The following ICA1 variants were observed in gnomAD, a reference collection of about 807,000 sequenced individuals.
ICA1 encodes islet cell autoantigen 1, also known as 69 kDa islet cell autoantigen.
Under a neutral mutation model 71.0 loss-of-function variants are expected in ICA1, and 40 were observed. The ratio of observed to expected loss-of-function variants is 0.56; its 90% CI spans 0.44 to 0.73. The LOEUF is 0.73. Among genes scored for constraint, ICA1 ranks in the 30% least tolerant of loss-of-function variants. ICA1 has a pLI of 0.00. For missense variants in ICA1, 578 were observed against 576.5 expected (o/e 1.00, Z -0.03); for synonymous variants, 207 against 209.5 (o/e 0.99, Z 0.10).
At chr7:8,211,940 T>A (rs1431807459) in intron 6 of ICA1, among the ~76,000 whole-genome samples, 1 of 152,170 alleles carries the variant, frequency 6.6e-6, no homozygotes, top group Non-Finnish European at 1.5e-5. Flanking sequence ...AATAAAACCT[T>A]TATTTACAAA....
At chr7:8,214,022 C>T (rs772786890) in intron 6 of ICA1, among the ~76,000 whole-genome samples, 7 of 152,144 alleles carry the variant, frequency 4.6e-5, no homozygotes, top group Admixed American at 6.5e-5. Flanking sequence ...TTTCATTAGC[C>T]GTTTAATAAA....
intron 6 of ICA1, among the ~76,000 whole-genome samples, chr7:8,216,023 A>G (rs752721183): frequency 6.6e-6 from 1 of 152,244 alleles, no homozygotes; most frequent in South Asian, 2.1e-4. Flanking sequence ...AAACTCCACA[A>G]TTTAAATTCA....
Position 8,123,024 on chromosome 7 carries a change from TCTC to T in ICA1, c.1330+4846_1330+4848del, listed in dbSNP as rs904616058. On this transcript the variant is annotated intron_variant, in intron 13 of 13. Coordinates refer to ENST00000402384, the MANE Select transcript of ICA1 (RefSeq NM_001136020.3). This position sits in a 1 kb window ranked among gnomAD's most constrained non-coding sequence, Gnocchi z 4.1. ...AGCTCAGGTGGCCTCTCTGGCTGGCTCTCCTCCTACTCACACAAAGTGGCCTTG... is the reference window on the plus strand; with the variant it reads ...AGCTCAGGTGGCCTCTCTGGCTGGCTCTCCTACTCACACAAAGTGGCCTTG... Among the ~76,000 whole-genome samples the T allele has an allele frequency of 2.6e-5, 4 of 152,204 alleles. No individual in the cohort carries two copies. Among genetic ancestry groups the T allele is most frequent in the Non-Finnish European group, 5.9e-5 (4 of 68,040 alleles).
intron 6 of ICA1, among the ~76,000 whole-genome samples, chr7:8,164,303 CAAAAAAA>C (rs71014767): frequency 9.6e-5 from 8 of 83,634 alleles, no homozygotes; most frequent in Non-Finnish European, 1.5e-4. Context: ...GACTCCGTCT[CAAAAAAA>C]AAAAAAAAAA....
intron 1 of ICA1, among the ~76,000 whole-genome samples, chr7:8,246,095 A>C (rs1215891376): frequency 6.6e-6 from 1 of 152,236 alleles, no homozygotes; most frequent in East Asian, 1.9e-4. Context: ...TCACATCTCC[A>C]GCTTTTTAAT....
intron 6 of ICA1, among the ~76,000 whole-genome samples, chr7:8,183,518 A>C (rs1584990152): frequency 6.6e-6 from 1 of 151,920 alleles, no homozygotes; most frequent in South Asian, 2.1e-4. Context: ...AATTATTAAA[A>C]CCCCTGGTAA....
At chr7:8,175,960 G>A (rs1010911459) in intron 6 of ICA1, among the ~76,000 whole-genome samples, 2 of 152,146 alleles carry the variant, frequency 1.3e-5, no homozygotes, top group Admixed American at 6.5e-5. Context: ...TTCCATGGAC[G>A]GCAAAGGGGA....
At chr7:8,252,273 A>C (rs1808448262) in intron 1 of ICA1, among the ~76,000 whole-genome samples, 1 of 152,224 alleles carries the variant, frequency 6.6e-6, no homozygotes. Flanking sequence ...CACCCTAATC[A>C]GATAAAAGTC....
chr7:8,201,107 T>C (rs1361020790), intron 6 of ICA1, among the ~76,000 whole-genome samples: 1 of 152,222 alleles, frequency 6.6e-6, no homozygotes, highest in Non-Finnish European at 1.5e-5. Flanking sequence ...TCAACGTGGT[T>C]TTCTATTTGC....
chr7:8,179,269 T>C (rs763274946), intron 6 of ICA1, among the ~76,000 whole-genome samples: 5 of 152,206 alleles, frequency 3.3e-5, no homozygotes, highest in Admixed American at 6.6e-5. Flanking sequence ...GGTGTCTCTG[T>C]CCCATAACCT....
chr7:8,157,264 G>A, intron 7 of ICA1, 50 bp from the exon 8 acceptor site: 1 of 1,501,546 alleles, frequency 6.7e-7, no homozygotes, highest in South Asian at 1.3e-5. Context: ...CCCAGTTCTA[G>A]TCCTGGTCCC....
In ICA1 at chr7:8,232,616, C is replaced by T; in HGVS notation, c.157G>A (p.Asp53Asn). 1.2e-6 allele frequency: 2 copies of T among 1,612,604 alleles called. No individual in the cohort carries two copies. The highest frequency in any genetic ancestry group is 1.7e-6 in the Non-Finnish European group (2 of 1,179,322). The change falls in exon 3 of 14, where the codon GAC (aspartate) becomes AAC (asparagine). Residue 53 changes from aspartate (D) to asparagine (N), a missense_variant. Asp to Asn is a conservative substitution (Grantham distance 23). Transcript: ENST00000402384. ...KKEDEHVVAS[D>N]ADLDAKLELF... ...TCTAGCTTGGCATCCAGGTCCGCGT[C>T]AGAGGCAACAACATGTTCATCTTCC...
At chr7:8,258,908 A>G (rs757842325) in intron 1 of ICA1, among the ~76,000 whole-genome samples, 2 of 152,212 alleles carry the variant, frequency 1.3e-5, no homozygotes, top group African/African-American at 2.4e-5. Context: ...GATGGAGATT[A>G]TAATATCTAC....
At chr7:8,241,784 T>G (rs553112527) in intron 1 of ICA1, among the ~76,000 whole-genome samples, 15 of 152,150 alleles carry the variant, frequency 9.9e-5, no homozygotes, top group South Asian at 4.2e-4. Context: ...TGATAAAACA[T>G]ACTTTAAACC....
chr7:8,161,365 G>C (rs1314096609), intron 6 of ICA1, among the ~76,000 whole-genome samples: 1 of 152,206 alleles, frequency 6.6e-6, no homozygotes, highest in African/African-American at 2.4e-5. Flanking sequence ...GATTAATGCT[G>C]GTGGTGGAAC....
chr7:8,146,418 C>G (rs1190123239), intron 8 of ICA1, among the ~76,000 whole-genome samples: 1 of 152,158 alleles, frequency 6.6e-6, no homozygotes, highest in African/African-American at 2.4e-5. Context: ...GGCAAGAGTA[C>G]AAGTCTTGAG....
rs1806048392 is a variant in ICA1, at chr7:8,246,420, T to C, written c.-79-10415A>G. Among the ~76,000 whole-genome samples, 3 of 152,232 alleles carry C rather than the reference T, an allele frequency of 2.0e-5. No individual in the cohort carries two copies. The South Asian group carries it at 6.2e-4, about 31-fold the overall frequency. On this transcript the variant is annotated intron_variant, in intron 1 of 13. Transcript: ENST00000402384. ...GAATGAGTTGGTGAGGAGGAGGCTC[T>C]GTGTCTAAGGCAGAAATATAGGTGA...
At chr7:8,140,140 C>T (rs1794717232) in intron 10 of ICA1, among the ~76,000 whole-genome samples, 1 of 152,090 alleles carries the variant, frequency 6.6e-6, no homozygotes, top group Admixed American at 6.5e-5. Context: ...TAATAAACTG[C>T]AGTTTATATT....
chr7:8,180,654 T>G (rs1301313186), intron 6 of ICA1, among the ~76,000 whole-genome samples: 1 of 152,150 alleles, frequency 6.6e-6, no homozygotes, highest in Non-Finnish European at 1.5e-5. Flanking sequence ...CCTTTGATAC[T>G]GTCAGTCCTT....
Sources: gnomAD v4.1 joint callset for allele counts (sites outside exome capture counted in the v4.1 genomes callset) on GRCh38, gnomAD v4.1.1 for gene constraint, Gnocchi (gnomAD v3.1) non-coding constraint, MANE v1.5 for transcripts, NCBI Gene and HGNC (gene_info 2026-07-23, HGNC 2026-07-21) for gene names.